The following ASB3 variants were observed in gnomAD, a reference collection of about 807,000 sequenced individuals.
ASB3 encodes the protein ankyrin repeat and SOCS box containing 3, also known as ankyrin repeat and SOCS box protein 3.
In ASB3, 41 loss-of-function variants were observed where a neutral mutation model predicts 54.5. The observed-to-expected ratio is 0.75, with a 90% CI of 0.59 to 0.98. ASB3 has a LOEUF of 0.98. Among genes scored for constraint, ASB3 ranks in the 50% least tolerant of loss-of-function variants. ASB3 has a pLI of 0.00. For synonymous variants in ASB3, 266 were observed against 221.2 expected, an observed-to-expected ratio of 1.20 and a Z score of -1.80; for missense variants, 733 against 620.0, an observed-to-expected ratio of 1.18 and a Z score of -1.94.
At chr2:53,681,266 C>T (rs1335199996) in intron 9 of ASB3, among the ~76,000 whole-genome samples, 1 of 152,146 alleles carries the variant, frequency 6.6e-6, no homozygotes, top group Non-Finnish European at 1.5e-5. Flanking sequence ...TATGGTAGGT[C>T]TATTTTTAGT....
At chr2:53,780,672 G>C (rs1051513573) in intron 1 of ASB3, among the ~76,000 whole-genome samples, 1 of 152,166 alleles carries the variant, frequency 6.6e-6, no homozygotes, top group African/African-American at 2.4e-5. Context: ...TAGCCACTCT[G>C]GAGGATAAAG....
Position 53,785,999 on chromosome 2 carries a change from T to C in ASB3, c.-14+822A>G, listed in dbSNP as rs1282554063. On this transcript the variant is annotated intron_variant, in intron 1 of 9. Transcript: ENST00000263634. ...AAAAAAAAATTTTTAAGATAGAATA[T>C]GGGACTGTCCTTCCTGCTTTTTGAT... Among the ~76,000 whole-genome samples, 4 of 152,206 alleles carry C rather than the reference T, an allele frequency of 2.6e-5. No individual in the cohort carries two copies. In the South Asian group the frequency reaches 8.3e-4, roughly 31 times the overall value.
At chr2:53,751,224 AGGT>A in intron 2 of ASB3, among the ~76,000 whole-genome samples, 3 of 152,178 alleles carry the variant, frequency 2.0e-5, no homozygotes, top group African/African-American at 7.2e-5. Flanking sequence ...AGAAATTGAA[AGGT>A]AACAAAAGCA....
chr2:53,712,141 T>A (rs969869774), intron 7 of ASB3, among the ~76,000 whole-genome samples: 4 of 151,500 alleles, frequency 2.6e-5, no homozygotes, highest in Non-Finnish European at 5.9e-5. Flanking sequence ...AGATAATAGC[T>A]CCTATTTGCA....
intron 5 of ASB3, among the ~76,000 whole-genome samples, chr2:53,725,553 T>C (rs989802440): frequency 6.6e-6 from 1 of 152,198 alleles, no homozygotes; most frequent in Admixed American, 6.5e-5. Context: ...ATTTTGAAAA[T>C]AGCAGTCATC....
intron 2 of ASB3, among the ~76,000 whole-genome samples, chr2:53,761,658 G>C (rs906654213): frequency 6.6e-6 from 1 of 152,080 alleles, no homozygotes; most frequent in Non-Finnish European, 1.5e-5. Context: ...CAGCTTTCCT[G>C]GTTCTCCATC....
intron 8 of ASB3, chr2:53,694,248 A>G: frequency 2.5e-6 from 1 of 402,766 alleles, no homozygotes; most frequent in East Asian, 4.1e-5. Context: ...AGATGACAAG[A>G]GGAACCTCAG....
chr2:53,715,951 G>C (rs997687586), intron 6 of ASB3, among the ~76,000 whole-genome samples: 2 of 151,880 alleles, frequency 1.3e-5, no homozygotes, highest in African/African-American at 4.8e-5. Flanking sequence ...AAAAATTATT[G>C]ACTGCCAATT....
At chr2:53,764,892 ATC>A (rs1673350369) in intron 2 of ASB3, among the ~76,000 whole-genome samples, 1 of 152,180 alleles carries the variant, frequency 6.6e-6, no homozygotes, top group Non-Finnish European at 1.5e-5. Flanking sequence ...GATATTTGTC[ATC>A]TGTTTCCTCT....
rs3061604 is a variant in ASB3, at chr2:53,712,745, A to AACAC, written c.980+1635_980+1638dup. 4.1e-3 allele frequency among the ~76,000 whole-genome samples: 620 copies of AACAC among 150,250 alleles called. 4 individuals are homozygous for AACAC. The highest frequency in any genetic ancestry group is 0.013 in the African/African-American group (530 of 41,116). Reference sequence around the variant, plus strand: ...GCCAAAAAAGACCATCATCATATTGAACACACACACACACACACACACAGG... The same window carrying AACAC: ...GCCAAAAAAGACCATCATCATATTGAACACACACACACACACACACACACACAGG... On this transcript the variant is annotated intron_variant, in intron 7 of 9. Coordinates refer to ENST00000263634, the MANE Select transcript of ASB3 (RefSeq NM_016115.5).
At position 53,670,044 on chromosome 2, in the gene ASB3, T is replaced by C. The variant is rs1308004720; in HGVS notation, c.*459A>G. The C allele has an allele frequency of 1.4e-5, 2 of 146,534 alleles. No homozygotes were observed. The highest frequency in any genetic ancestry group is 2.5e-5 in the African/African-American group (1 of 39,448). The allele number at this position is 146,534 out of a possible 1,614,324, so 9.1% of individuals were successfully genotyped here. On this transcript the variant is annotated 3_prime_UTR_variant, in exon 10 of 10. Transcript: ENST00000263634. ...AGTCTAAATAAAATAATAATGATAATAATAACAGATTCTACACCACAGTTG... is the reference window on the plus strand; with the variant it reads ...AGTCTAAATAAAATAATAATGATAACAATAACAGATTCTACACCACAGTTG...
intron 9 of ASB3, among the ~76,000 whole-genome samples, chr2:53,677,038 G>A (rs1306689038): frequency 1.3e-5 from 2 of 152,106 alleles, no homozygotes; most frequent in African/African-American, 2.4e-5. Flanking sequence ...CAAAGTGCTG[G>A]GATTACAGGT....
At chr2:53,679,811 A>T (rs1464695191) in intron 9 of ASB3, among the ~76,000 whole-genome samples, 1 of 152,094 alleles carries the variant, frequency 6.6e-6, no homozygotes, top group Non-Finnish European at 1.5e-5. Context: ...AACTTGTTTC[A>T]TGGGGGCTTG....
Position 53,750,912 on chromosome 2 carries a change from T to C in ASB3, c.226A>G (p.Thr76Ala). The C allele has an allele frequency of 1.3e-6, 2 of 1,586,212 alleles. No individual in the cohort carries two copies. The highest frequency in any genetic ancestry group is 1.7e-6 in the Non-Finnish European group (2 of 1,167,116). Residue 76 changes from threonine to alanine, a missense_variant, in exon 3 of 10, where the codon ACC becomes GCC. Transcript: ENST00000263634. Reference protein sequence around the residue: ...DSSENYIKMKTFEGFCALHLA... With the variant: ...DSSENYIKMKAFEGFCALHLA... ...TGCAAAGCACAGAAACCTTCAAAGG[T>C]CTTCATCTTAATGTAGTTTTCAGAT... is the stretch of plus-strand genomic sequence containing the variant.
At chr2:53,776,391 C>T (rs1172790724) in intron 1 of ASB3, among the ~76,000 whole-genome samples, 1 of 152,200 alleles carries the variant, frequency 6.6e-6, no homozygotes, top group Non-Finnish European at 1.5e-5. Context: ...TTCTCTTCAT[C>T]ACATCACGCT....
intron 1 of ASB3, among the ~76,000 whole-genome samples, chr2:53,772,302 G>A (rs1358567325): frequency 6.6e-6 from 1 of 152,032 alleles, no homozygotes; most frequent in Non-Finnish European, 1.5e-5. Flanking sequence ...AGCCTCCCAA[G>A]TAGCTGGGAC....
intron 2 of ASB3, among the ~76,000 whole-genome samples, chr2:53,757,551 G>T (rs534284330): frequency 6.6e-6 from 1 of 152,288 alleles, no homozygotes; most frequent in East Asian, 1.9e-4. Context: ...CCTTACTTCT[G>T]AATCTACTTC....
intron 3 of ASB3, among the ~76,000 whole-genome samples, chr2:53,747,141 A>C (rs1480416695): frequency 6.6e-6 from 1 of 152,020 alleles, no homozygotes; most frequent in Non-Finnish European, 1.5e-5. Context: ...ATGGGACTCT[A>C]ATAATAATAA....
At chr2:53,675,880 T>C (rs1293638599) in intron 9 of ASB3, among the ~76,000 whole-genome samples, 1 of 152,224 alleles carries the variant, frequency 6.6e-6, no homozygotes, top group African/African-American at 2.4e-5. Flanking sequence ...GTTTCTTTCA[T>C]TGCTTGGCTT....
Sources: allele counts gnomAD v4.1 joint callset (sites outside exome capture counted in the v4.1 genomes callset), GRCh38; gene constraint gnomAD v4.1.1; transcripts MANE v1.5; gene names NCBI Gene and HGNC (gene_info 2026-07-23, HGNC 2026-07-21).